Variants in CTNNA2 observed in about 807,000 individuals in gnomAD.
CTNNA2 encodes catenin alpha-2.
Under a neutral mutation model 101.0 loss-of-function variants are expected in CTNNA2, and 42 were observed. The ratio of observed to expected loss-of-function variants is 0.42; its 90% CI spans 0.32 to 0.54. The LOEUF (loss-of-function observed/expected upper bound fraction) is 0.54, where lower values mean the gene tolerates loss of function less well. Among genes scored for constraint, CTNNA2 ranks in the 20% least tolerant of loss-of-function variants. The pLI, the probability that CTNNA2 is intolerant of heterozygous loss-of-function variation, is 0.14. For synonymous variants in CTNNA2, 450 were observed against 456.4 expected, an observed-to-expected ratio of 0.99 and a Z score of 0.18; for missense variants, 871 against 1,223.1, an observed-to-expected ratio of 0.71 and a Z score of 4.29.
intron 7 of CTNNA2, among the ~76,000 whole-genome samples, chr2:80,185,453 C>CA (rs1419213095): frequency 1.3e-5 from 2 of 151,994 alleles, no homozygotes; most frequent in African/African-American, 4.8e-5. Context: ...AAAGGAATTG[C>CA]AAAAAAGCAT....
intron 1 of CTNNA2, among the ~76,000 whole-genome samples, chr2:79,599,275 G>C (rs77624591): frequency 0.064 from 9,705 of 151,992 alleles, 1,001 homozygotes; most frequent in African/African-American, 0.22. Flanking sequence ...TAATGAGTTG[G>C]CTCTTCTGGA....
At chr2:80,357,247 T>TTG (rs1559040082) in intron 7 of CTNNA2, among the ~76,000 whole-genome samples, 29 of 151,964 alleles carry the variant, frequency 1.9e-4, no homozygotes, top group African/African-American at 6.8e-4. Context: ...TTTGTTTTTT[T>TTG]TTTGTTTGTT....
At chr2:79,277,499 A>T (rs1030567629) in intron 2 of CTNNA2, among the ~76,000 whole-genome samples, 1 of 152,000 alleles carries the variant, frequency 6.6e-6, no homozygotes, top group Non-Finnish European at 1.5e-5. Flanking sequence ...CCCAAAGCCT[A>T]AGGATCCTCT....
chr2:79,760,741 G>A (rs914043382), intron 3 of CTNNA2, among the ~76,000 whole-genome samples: 4 of 152,124 alleles, frequency 2.6e-5, no homozygotes, highest in Admixed American at 6.5e-5. Flanking sequence ...TGAAATAATT[G>A]TACTTATGTA....
intron 18 of CTNNA2, among the ~76,000 whole-genome samples, chr2:80,631,644 C>T (rs1306117922): frequency 6.6e-6 from 1 of 152,084 alleles, no homozygotes; most frequent in Non-Finnish European, 1.5e-5. Flanking sequence ...CAAGCCCTGG[C>T]AGGCACCTAT....
chr2:80,089,620 A>G (rs1349652633), intron 7 of CTNNA2, among the ~76,000 whole-genome samples: 1 of 152,056 alleles, frequency 6.6e-6, no homozygotes, highest in African/African-American at 2.4e-5. Context: ...TTAGATTAAG[A>G]AATTTATCTA....
At chr2:79,878,600 T>C (rs528194984) in intron 6 of CTNNA2, among the ~76,000 whole-genome samples, 1 of 152,372 alleles carries the variant, frequency 6.6e-6, no homozygotes, top group East Asian at 1.9e-4. Flanking sequence ...GTTGAGCTTT[T>C]TTTCATGTTT....
intron 7 of CTNNA2, among the ~76,000 whole-genome samples, chr2:80,091,491 A>G (rs1488643928): frequency 6.6e-6 from 1 of 152,126 alleles, no homozygotes; most frequent in African/African-American, 2.4e-5. Flanking sequence ...TGTAAAAACG[A>G]TTAGAGAATT....
chr2:79,192,701 GA>G (rs1673890640), intron 1 of CTNNA2, among the ~76,000 whole-genome samples: 1 of 152,118 alleles, frequency 6.6e-6, no homozygotes, highest in African/African-American at 2.4e-5. Context: ...ATTAGTTGAT[GA>G]ATGACAGATG....
intron 2 of CTNNA2, among the ~76,000 whole-genome samples, chr2:79,310,615 G>C (rs780598317): frequency 2.0e-5 from 3 of 152,136 alleles, no homozygotes; most frequent in Non-Finnish European, 4.4e-5. Flanking sequence ...AGAAACTTGG[G>C]TGCTGCAACC....
intron 7 of CTNNA2, among the ~76,000 whole-genome samples, chr2:80,104,911 G>A (rs1573092727): frequency 6.6e-6 from 1 of 152,138 alleles, no homozygotes; most frequent in South Asian, 2.1e-4. Context: ...ATCATCTGGG[G>A]AGGCTGCTTC....
chr2:80,405,031 G>A (rs562390384), intron 8 of CTNNA2, among the ~76,000 whole-genome samples: 12 of 152,232 alleles, frequency 7.9e-5, no homozygotes, highest in African/African-American at 1.7e-4. Context: ...TTGCCTTATC[G>A]TAGCTATGAG....
At chr2:79,777,756 A>G (rs1323627023) in intron 3 of CTNNA2, among the ~76,000 whole-genome samples, 1 of 152,326 alleles carries the variant, frequency 6.6e-6, no homozygotes, top group Middle Eastern at 3.4e-3. Flanking sequence ...AAAATATATT[A>G]TGTCCCAATT....
intron 7 of CTNNA2, among the ~76,000 whole-genome samples, chr2:79,945,586 A>G (rs78724299): frequency 0.013 from 2,023 of 152,302 alleles, 109 homozygotes; most frequent in Admixed American, 0.098. Flanking sequence ...TTTAATAGAC[A>G]TGACCATTTA....
intron 7 of CTNNA2, among the ~76,000 whole-genome samples, chr2:79,966,598 C>G (rs1690081177): frequency 6.6e-6 from 1 of 152,024 alleles, no homozygotes; most frequent in South Asian, 2.1e-4. Context: ...AAGAGCATAC[C>G]TGTGATCATA....
intron 3 of CTNNA2, among the ~76,000 whole-genome samples, chr2:79,775,704 T>G (rs1053785848): frequency 7.9e-5 from 12 of 152,156 alleles, no homozygotes; most frequent in Admixed American, 5.9e-4. Context: ...TTTTTTATGT[T>G]TTCGAAACAA....
At chr2:79,593,333 C>G (rs561408010) in intron 1 of CTNNA2, among the ~76,000 whole-genome samples, 26 of 152,306 alleles carry the variant, frequency 1.7e-4, no homozygotes, top group African/African-American at 6.0e-4. Context: ...GGATACATTG[C>G]TACAGTTGAG....
At chr2:80,182,536 C>T (rs1039827868) in intron 7 of CTNNA2, among the ~76,000 whole-genome samples, 25 of 152,164 alleles carry the variant, frequency 1.6e-4, no homozygotes, top group African/African-American at 5.8e-4. Flanking sequence ...ATACCATGCT[C>T]ATTCTGATGG....
intron 9 of CTNNA2, among the ~76,000 whole-genome samples, chr2:80,490,256 G>A (rs1686931246): frequency 6.9e-6 from 1 of 145,864 alleles, no homozygotes; most frequent in African/African-American, 2.6e-5. Context: ...TTCAGAGTTG[G>A]CATTTTTTTT....
Sources: allele counts gnomAD v4.1 joint callset (sites outside exome capture counted in the v4.1 genomes callset), GRCh38; gene constraint gnomAD v4.1.1; transcripts MANE v1.5; gene names NCBI Gene and HGNC (gene_info 2026-07-23, HGNC 2026-07-21).